The following NCKAP1 variants were observed in gnomAD, a reference collection of about 807,000 sequenced individuals.
The protein encoded by NCKAP1 is NCK associated protein 1.
A neutral mutation model predicts 151.2 loss-of-function variants in NCKAP1; 21 were observed. That is an observed-to-expected ratio of 0.14 (90% CI 0.10 to 0.20). The LOEUF (loss-of-function observed/expected upper bound fraction) is 0.20, where lower values mean the gene tolerates loss of function less well. Among genes scored for constraint, NCKAP1 ranks in the 10% least tolerant of loss-of-function variants. The pLI is 1.00. For synonymous variants in NCKAP1, 484 were observed against 451.8 expected, an observed-to-expected ratio of 1.07 and a Z score of -0.90; for missense variants, 933 against 1,352.1, an observed-to-expected ratio of 0.69 and a Z score of 4.86.
At chr2:183,031,854 A>C (rs1487645828) in intron 1 of NCKAP1, among the ~76,000 whole-genome samples, 1 of 152,246 alleles carries the variant, frequency 6.6e-6, no homozygotes, top group Non-Finnish European at 1.5e-5. Context: ...AGCTTGAAGC[A>C]TAACAGAAGC....
chr2:182,978,352 T>TA (rs1469962915), intron 14 of NCKAP1, among the ~76,000 whole-genome samples: 1 of 152,226 alleles, frequency 6.6e-6, no homozygotes, highest in Non-Finnish European at 1.5e-5. Context: ...CTCAAATTCC[T>TA]ACTTTTGCTT....
At position 182,967,252 on chromosome 2, in the gene NCKAP1, T is replaced by A; in HGVS notation, c.1592A>T (p.Glu531Val). The stretch of plus-strand genomic sequence containing the variant: ...GAGATCTGATGTTTCCACCAACATT[T>A]CCACCAAGGAATCTACCATTTTTGT... ...FHTKMVDSLV[E>V]MLVETSDLSI... is the part of the protein sequence containing the mutation. The change falls in exon 16 of 31, where the codon GAA becomes GTA. Residue 531 changes from glutamate (E) to valine (V), a missense_variant. Transcript: ENST00000361354. 6.2e-7 allele frequency: 1 copy of A among 1,611,118 alleles called. No individual in the cohort carries two copies. The highest frequency in any genetic ancestry group is 8.5e-7 in the Non-Finnish European group (1 of 1,179,116).
At chr2:182,930,289 G>T (rs1476552225) in intron 27 of NCKAP1, among the ~76,000 whole-genome samples, 2 of 151,884 alleles carry the variant, frequency 1.3e-5, no homozygotes, top group Non-Finnish European at 2.9e-5. Context: ...ACTCTACATA[G>T]CTGATCATTT....
chr2:183,005,120 C>T (rs1454296534), intron 2 of NCKAP1, among the ~76,000 whole-genome samples: 1 of 152,100 alleles, frequency 6.6e-6, no homozygotes, highest in East Asian at 1.9e-4. Context: ...TATTCGACAA[C>T]ATTAAACATT....
intron 2 of NCKAP1, among the ~76,000 whole-genome samples, chr2:183,018,244 C>T (rs568950834): frequency 1.0e-3 from 157 of 152,074 alleles, no homozygotes; most frequent in Non-Finnish European, 2.0e-3. Context: ...AAGACTCCGT[C>T]TCAAAAAAAC....
chr2:183,036,219 G>A (rs1699100260), intron 1 of NCKAP1, among the ~76,000 whole-genome samples: 2 of 152,134 alleles, frequency 1.3e-5, no homozygotes, highest in Non-Finnish European at 1.5e-5. Flanking sequence ...ATGAAGGTGG[G>A]ATATTAAAGT....
At chr2:183,001,808 CTA>C in intron 6 of NCKAP1, 143 bp downstream of exon 6, 1 of 658,078 alleles carries the variant, frequency 1.5e-6, no homozygotes, top group South Asian at 2.0e-5. Flanking sequence ...AGTTCCCTGT[CTA>C]TAATTAGATA....
At chr2:182,952,990 T>G (rs1697245227) in intron 21 of NCKAP1, 67 bp from the exon 22 acceptor site, 3 of 1,518,786 alleles carry the variant, frequency 2.0e-6, no homozygotes, top group Non-Finnish European at 2.7e-6. Context: ...TGATATACAT[T>G]CCTGCATATA....
intron 24 of NCKAP1, among the ~76,000 whole-genome samples, chr2:182,939,843 G>T (rs998083479): frequency 5.3e-5 from 8 of 152,112 alleles, no homozygotes; most frequent in Admixed American, 2.0e-4. Flanking sequence ...TTATAGAAAA[G>T]ATTTAATAAA....
rs757862026 is a variant in NCKAP1, at chr2:182,995,821, T to C, written c.621A>G (p.Leu207=). 2 of 1,611,242 alleles carry C rather than the reference T, an allele frequency of 1.2e-6. No homozygotes were observed. Among genetic ancestry groups the C allele is most frequent in the Non-Finnish European group, 1.7e-6 (2 of 1,177,424 alleles). ...VPHSKSLSDA[L]ISLQMVYPRR... is the part of the protein sequence containing the mutation. The stretch of plus-strand genomic sequence containing the variant: ...GAGGATATACCATTTGAAGAGAAAT[T>C]AGTGCATCTGAAAGAGACTAATTAA... The change falls in exon 7 of 31, where the codon CTA becomes CTG. Residue 207 remains leucine, a synonymous_variant. Coordinates refer to ENST00000361354, the MANE Select transcript of NCKAP1 (RefSeq NM_013436.5).
intron 17 of NCKAP1, among the ~76,000 whole-genome samples, chr2:182,964,261 T>C (rs921403158): frequency 6.6e-6 from 1 of 152,154 alleles, no homozygotes; most frequent in African/African-American, 2.4e-5. Flanking sequence ...AATATATTTA[T>C]TAACAATTTA....
chr2:182,964,572 G>A lies in NCKAP1; in HGVS notation c.1761+104C>T, dbSNP rs1175915520. 1.8e-5 allele frequency: 17 copies of A among 938,660 alleles called. No homozygotes were observed. In the South Asian group the frequency reaches 4.5e-4, roughly 25 times the overall value. The allele number at this position is 938,660 out of a possible 1,614,324, so 58.1% of individuals were successfully genotyped here. On this transcript the variant is annotated intron_variant, in intron 17 of 30. Coordinates refer to ENST00000361354, the MANE Select transcript of NCKAP1 (RefSeq NM_013436.5). ...ATTCTGCATAGAGATGTATTCGATG[G>A]GAAGCTAAGTTAGCTAATTATGACT...
At chr2:182,980,505 AG>A (rs1697915368) in intron 13 of NCKAP1, among the ~76,000 whole-genome samples, 1 of 152,132 alleles carries the variant, frequency 6.6e-6, no homozygotes, top group Non-Finnish European at 1.5e-5. Context: ...TATAAAGTGA[AG>A]CAAAATAAAA....
intron 17 of NCKAP1, 48 bp downstream of exon 17, chr2:182,964,628 T>TAC (rs1697526659): frequency 1.4e-6 from 2 of 1,440,350 alleles, no homozygotes; most frequent in Non-Finnish European, 1.8e-6. Flanking sequence ...AGGTTTGATC[T>TAC]AGTTTACTTT....
rs762946022 is a variant in NCKAP1 at position 182,994,873 on chromosome 2, G to A, written c.756C>T (p.Tyr252=). The A allele has an allele frequency of 3.1e-6, 5 of 1,606,044 alleles. No homozygotes were observed. The highest frequency in any genetic ancestry group is 4.3e-6 in the Non-Finnish European group (5 of 1,172,944). Residue 252 remains tyrosine (Y), a synonymous_variant, in exon 8 of 31, where the codon TAC becomes TAT. Coordinates refer to ENST00000361354, the MANE Select transcript of NCKAP1 (RefSeq NM_013436.5). ...PAQSDTMPCE[Y]LSLDAMEKWI... is the part of the protein sequence containing the mutation. ...ACTTTTCCATTGCATCCAAAGAGAGGTATTCACAAGGCATCTTAAAAAGAG... is the reference window on the plus strand; with the variant it reads ...ACTTTTCCATTGCATCCAAAGAGAGATATTCACAAGGCATCTTAAAAAGAG...
At chr2:183,031,948 C>T (rs1699011864) in intron 1 of NCKAP1, among the ~76,000 whole-genome samples, 1 of 152,080 alleles carries the variant, frequency 6.6e-6, no homozygotes, top group African/African-American at 2.4e-5. Flanking sequence ...ATAACCCAGA[C>T]AACTAAATTA....
At position 183,009,475 on chromosome 2, in the gene NCKAP1, G is replaced by GAAGGAAGGAAGGTAGCAAGC. The variant is rs1485338665; in HGVS notation, c.220-6151_220-6150insGCTTGCTACCTTCCTTCCTT. The stretch of plus-strand genomic sequence containing the variant: ...GGAAGGAAGGAAGGAAGGAAGGAAG[G>GAAGGAAGGAAGGTAGCAAGC]AAGCAAGCAAGCAAGCAGGCAAGCA... On this transcript the variant is annotated intron_variant, in intron 2 of 30. Coordinates refer to ENST00000361354, the MANE Select transcript of NCKAP1 (RefSeq NM_013436.5). Among the ~76,000 whole-genome samples, 206 of 100,288 alleles carry GAAGGAAGGAAGGTAGCAAGC rather than the reference G, an allele frequency of 2.1e-3. 2 individuals are homozygous for GAAGGAAGGAAGGTAGCAAGC. The highest frequency in any genetic ancestry group is 4.0e-3 in the African/African-American group (99 of 24,452). The allele number at this position is 100,288 out of a possible 152,430, so 65.8% of individuals were successfully genotyped here. A position where few individuals can be genotyped will look rare whatever the true frequency, so the allele number is the denominator to read the frequency against.
chr2:183,009,463 GAAGGAAGGAAGGAAGC>G (rs1196968181), intron 2 of NCKAP1, among the ~76,000 whole-genome samples: 10 of 147,110 alleles, frequency 6.8e-5, no homozygotes, highest in African/African-American at 1.0e-4. Flanking sequence ...AGGAAGGAAG[GAAGGAAGGAAGGAAGC>G]AAGCAAGCAA....
chr2:183,009,424 A>AAGGG (rs1334566939), intron 2 of NCKAP1, among the ~76,000 whole-genome samples: 4 of 55,860 alleles, frequency 7.2e-5, no homozygotes, highest in Admixed American at 6.4e-4. Context: ...GAGGGAAGGG[A>AAGGG]AGGAAGGAAG....
Sources: gnomAD v4.1 joint callset for allele counts (sites outside exome capture counted in the v4.1 genomes callset) on GRCh38, gnomAD v4.1.1 for gene constraint, MANE v1.5 for transcripts, NCBI Gene and HGNC (gene_info 2026-07-23, HGNC 2026-07-21) for gene names.